Variants in LDB2 observed in about 807,000 individuals in gnomAD.
The protein encoded by LDB2 is LIM domain binding 2, also known as LIM domain-binding protein 2.
Under a neutral mutation model 44.3 loss-of-function variants are expected in LDB2, and 12 were observed. That is an observed-to-expected ratio of 0.27 (90% CI 0.17 to 0.44). LDB2 has a LOEUF of 0.44. Among genes scored for constraint, LDB2 ranks in the 20% least tolerant of loss-of-function variants. The pLI, the probability that LDB2 is intolerant of heterozygous loss-of-function variation, is 1.00. For synonymous variants in LDB2, 164 were observed against 174.8 expected (o/e 0.94, Z 0.49); for missense variants, 344 against 473.5 (o/e 0.73, Z 2.54).
chr4:16,889,791 A>G (rs1432398043), intron 1 of LDB2, among the ~76,000 whole-genome samples: 1 of 152,222 alleles, frequency 6.6e-6, no homozygotes, highest in Non-Finnish European at 1.5e-5. Context: ...AGAAATAAAC[A>G]AGAAGCAAGA....
intron 2 of LDB2, among the ~76,000 whole-genome samples, chr4:16,665,759 GA>G (rs548565992): frequency 7.5e-4 from 113 of 149,936 alleles, no homozygotes; most frequent in African/African-American, 1.4e-3. Context: ...ACCTTAAATG[GA>G]AAAAAAAAGG....
At position 16,512,074 on chromosome 4, in the gene LDB2, G is replaced by T; in HGVS notation, c.646C>A (p.Leu216Met). The T allele has an allele frequency of 1.2e-6, 2 of 1,613,222 alleles. No individual in the cohort carries two copies. Among genetic ancestry groups the T allele is most frequent in the Non-Finnish European group, 1.7e-6 (2 of 1,179,498 alleles). Residue 216 changes from leucine to methionine, a missense_variant, in exon 6 of 8, where the codon CTG becomes ATG. Leu to Met is a conservative substitution (Grantham distance 15, BLOSUM62 2). This residue lies in a region of LDB2 where 226 missense variants were observed against 270.1 expected (regional missense o/e 0.84). Transcript: ENST00000304523. ...LCVILEPMQELMSRHKTYNLS... is the reference protein window; with the variant it reads ...LCVILEPMQEMMSRHKTYNLS... The stretch of plus-strand genomic sequence containing the variant: ...TTGTAAGTTTTATGTCTCGACATCA[G>T]TTCCTGCATTGGCTCCAATATTACA...
chr4:16,897,898 ATATAT>A (rs1725542391), intron 1 of LDB2, among the ~76,000 whole-genome samples: 1 of 60,498 alleles, frequency 1.7e-5, no homozygotes, highest in Admixed American at 1.5e-4. Flanking sequence ...AAAAGAAAAT[ATATAT>A]ATATATATAT....
intron 1 of LDB2, among the ~76,000 whole-genome samples, chr4:16,759,586 ACTTGACTTTTTTTTCTCTTTCT>A (rs1240430084): frequency 6.6e-6 from 1 of 152,222 alleles, no homozygotes; most frequent in Non-Finnish European, 1.5e-5. Flanking sequence ...TGTAAAATAC[ACTTGACTTTTTTTTCTCTTTCT>A]CTCTCTCTGC....
chr4:16,856,586 T>C (rs1406163217), intron 1 of LDB2, among the ~76,000 whole-genome samples: 2 of 152,328 alleles, frequency 1.3e-5, no homozygotes, highest in Non-Finnish European at 2.9e-5. Context: ...GGTATGTAAA[T>C]GGATGGGCAT....
chr4:16,823,658 T>C (rs1579999515), intron 1 of LDB2, among the ~76,000 whole-genome samples: 1 of 152,190 alleles, frequency 6.6e-6, no homozygotes, highest in African/African-American at 2.4e-5. Flanking sequence ...CACAAAGCCA[T>C]ACCTTTGAAC....
chr4:16,507,543 A>T (rs1207236329), intron 7 of LDB2, among the ~76,000 whole-genome samples: 1 of 152,170 alleles, frequency 6.6e-6, no homozygotes, highest in Non-Finnish European at 1.5e-5. Flanking sequence ...GAGGGGGAAA[A>T]ACGTGGGAAA....
At chr4:16,692,579 T>G (rs1751052142) in intron 2 of LDB2, among the ~76,000 whole-genome samples, 1 of 152,174 alleles carries the variant, frequency 6.6e-6, no homozygotes, top group Admixed American at 6.5e-5. Flanking sequence ...TTCCTCTTCT[T>G]TTTTGGTAAA....
chr4:16,844,305 A>G (rs1786517482), intron 1 of LDB2, among the ~76,000 whole-genome samples: 1 of 150,616 alleles, frequency 6.6e-6, no homozygotes, highest in African/African-American at 2.4e-5. Flanking sequence ...ACCAAGCAAC[A>G]GCTGTAGAAG....
Position 16,692,058 on chromosome 4 carries a change from T to C in LDB2, c.235+67100A>G, listed in dbSNP as rs79606304. Reference sequence around the variant, plus strand: ...ATTGGTGACATCCTGAGAACCACAGTACAGTATTGAATTATCATAAACACA... The same window carrying C: ...ATTGGTGACATCCTGAGAACCACAGCACAGTATTGAATTATCATAAACACA... On this transcript the variant is annotated intron_variant, in intron 2 of 7. Transcript: ENST00000304523. Among the ~76,000 whole-genome samples the C allele has an allele frequency of 7.2e-5, 11 of 152,226 alleles. No individual in the cohort carries two copies. In the East Asian group the frequency reaches 2.1e-3, roughly 29 times the overall value.
chr4:16,734,224 T>A (rs1761377404), intron 2 of LDB2, among the ~76,000 whole-genome samples: 1 of 152,190 alleles, frequency 6.6e-6, no homozygotes, highest in African/African-American at 2.4e-5. Context: ...AATAAAAAAA[T>A]GGCTAGTTAA....
rs567056555 is a variant in LDB2 at position 16,893,092 on chromosome 4, T to C, written c.132+5262A>G. On this transcript the variant is annotated intron_variant, in intron 1 of 7. Transcript: ENST00000304523. ...TTACAATTGGTTTTCTGAGGCCATG[T>C]AGAGATCCTGAAAAATAAGAGAGTT... 19 of 971,370 alleles carry C rather than the reference T, an allele frequency of 2.0e-5. No individual in the cohort carries two copies. In the African/African-American group the frequency reaches 3.3e-4, roughly 17 times the overall value. The allele number at this position is 971,370 out of a possible 1,614,324, so 60.2% of individuals were successfully genotyped here.
At chr4:16,879,288 G>A (rs1026146419) in intron 1 of LDB2, among the ~76,000 whole-genome samples, 3 of 152,174 alleles carry the variant, frequency 2.0e-5, no homozygotes, top group Non-Finnish European at 4.4e-5. Context: ...ATTTTGGCAG[G>A]AGAGGATGTG....
chr4:16,795,394 C>T (rs1449836501), intron 1 of LDB2, among the ~76,000 whole-genome samples: 1 of 152,142 alleles, frequency 6.6e-6, no homozygotes, highest in Non-Finnish European at 1.5e-5. Flanking sequence ...CGTGCAAGTG[C>T]AAGGTTGCAT....
intron 1 of LDB2, among the ~76,000 whole-genome samples, chr4:16,809,753 G>A (rs1179742387): frequency 6.8e-6 from 1 of 147,148 alleles, no homozygotes; most frequent in Non-Finnish European, 1.5e-5. Context: ...AAAAAAAAAC[G>A]GAACTACATG....
intron 1 of LDB2, among the ~76,000 whole-genome samples, chr4:16,766,805 A>G (rs916963174): frequency 1.3e-5 from 2 of 151,878 alleles, no homozygotes; most frequent in East Asian, 1.9e-4. Flanking sequence ...CTTGGCCCCA[A>G]TTTATATATT....
At chr4:16,724,457 C>T (rs1478013285) in intron 2 of LDB2, among the ~76,000 whole-genome samples, 1 of 151,674 alleles carries the variant, frequency 6.6e-6, no homozygotes, top group Admixed American at 6.6e-5. Flanking sequence ...GTCTCGTTCA[C>T]CTGTGCCTCC....
chr4:16,580,774 T>A (rs534860338), intron 5 of LDB2, among the ~76,000 whole-genome samples: 3 of 152,298 alleles, frequency 2.0e-5, no homozygotes, highest in African/African-American at 7.2e-5. Context: ...AAATGGCACA[T>A]TTTACTCAAT....
chr4:16,507,936 A>T (rs1720179355), intron 7 of LDB2, among the ~76,000 whole-genome samples: 1 of 152,220 alleles, frequency 6.6e-6, no homozygotes, highest in African/African-American at 2.4e-5. Context: ...GGTCTTTGTC[A>T]AGATAAAGAA....
Sources: gnomAD v4.1 joint callset for allele counts (sites outside exome capture counted in the v4.1 genomes callset) on GRCh38, gnomAD v4.1.1 for gene constraint, gnomAD v4.1.1 regional missense constraint, MANE v1.5 for transcripts, NCBI Gene and HGNC (gene_info 2026-07-23, HGNC 2026-07-21) for gene names.